Variants in ATF3 observed in about 807,000 individuals in gnomAD.
ATF3 encodes cyclic AMP-dependent transcription factor ATF-3.
In ATF3, 10 loss-of-function variants were observed where a neutral mutation model predicts 18.4. The observed-to-expected ratio is 0.54, with a 90% confidence interval of 0.34 to 0.92. The LOEUF is 0.92. Ranked by LOEUF, ATF3 falls within the 40% of genes least tolerant of loss-of-function variation. The pLI is 0.02. For missense variants in ATF3, 183 were observed against 222.3 expected (o/e 0.82, Z 1.12); for synonymous variants, 78 against 87.9 (o/e 0.89, Z 0.63).
intron 1 of ATF3, among the ~76,000 whole-genome samples, chr1:212,574,555 T>C (rs1664540757): frequency 6.6e-6 from 1 of 152,056 alleles, no homozygotes; most frequent in South Asian, 2.1e-4. Flanking sequence ...TCCCTCTTAT[T>C]TTATTGTTTG....
chr1:212,568,723 C>T (rs374416610), intron 1 of ATF3, among the ~76,000 whole-genome samples: 6 of 152,220 alleles, frequency 3.9e-5, no homozygotes, highest in Admixed American at 1.3e-4. Flanking sequence ...TGTCCTAGGC[C>T]GATTCTCCGA....
chr1:212,581,131 T>G (rs1401959155), intron 1 of ATF3, among the ~76,000 whole-genome samples: 2 of 152,214 alleles, frequency 1.3e-5, no homozygotes, highest in Non-Finnish European at 2.9e-5. Context: ...AAGACAAAAC[T>G]TTTGACTTGG....
At position 212,619,201 on chromosome 1, in the gene ATF3, A is replaced by C; in HGVS notation, c.349-157A>C. ...GAAGAAGAGGGTCTGCATTTTCCTA[A>C]ACCCAGTGCTGCTCTCCCATCTCCC... On this transcript the variant is annotated intron_variant, in intron 3 of 3. Transcript: ENST00000341491. This position sits in a 1 kb window ranked among gnomAD's most constrained non-coding sequence, Gnocchi z 4.4. 6.2e-7 allele frequency: 1 copy of C among 1,611,016 alleles called. No homozygotes were observed. The highest frequency in any genetic ancestry group is 8.5e-7 in the Non-Finnish European group (1 of 1,179,304).
intron 1 of ATF3, among the ~76,000 whole-genome samples, chr1:212,583,974 G>A (rs1664732524): frequency 6.6e-6 from 1 of 152,142 alleles, no homozygotes; most frequent in Admixed American, 6.5e-5. Context: ...GACCAAAACA[G>A]ACCGTATCTC....
At chr1:212,585,169 C>T (rs1176484315) in intron 1 of ATF3, among the ~76,000 whole-genome samples, 2 of 152,228 alleles carry the variant, frequency 1.3e-5, no homozygotes, top group African/African-American at 4.8e-5. Context: ...GAAAGGATTA[C>T]TAACAGAGCT....
intron 1 of ATF3, among the ~76,000 whole-genome samples, chr1:212,600,358 T>G (rs1029867317): frequency 7.9e-5 from 12 of 152,258 alleles, no homozygotes; most frequent in Admixed American, 6.5e-4. Flanking sequence ...CTTCCCAGAC[T>G]TGCTTCCCTA....
chr1:212,590,329 T>C (rs978807169), intron 1 of ATF3, among the ~76,000 whole-genome samples: 2 of 152,130 alleles, frequency 1.3e-5, no homozygotes, highest in African/African-American at 4.8e-5. Context: ...TGTATGAAAT[T>C]CTGAGGCCCT....
chr1:212,573,664 T>C (rs1441235374), intron 1 of ATF3, among the ~76,000 whole-genome samples: 1 of 152,048 alleles, frequency 6.6e-6, no homozygotes, highest in Non-Finnish European at 1.5e-5. Context: ...TCCTTAAGAA[T>C]TGAAAGATTT....
intron 1 of ATF3, among the ~76,000 whole-genome samples, chr1:212,568,027 G>A (rs908476601): frequency 6.6e-6 from 1 of 152,114 alleles, no homozygotes; most frequent in Non-Finnish European, 1.5e-5. Context: ...GTAGGGACAG[G>A]GTCTGCCGAC....
chr1:212,605,299 G>C (rs1654589834), upstream of ATF3, among the ~76,000 whole-genome samples: 1 of 152,188 alleles, frequency 6.6e-6, no homozygotes, highest in South Asian at 2.1e-4. Flanking sequence ...TGCTGCCCCT[G>C]TTTCCTGACA....
intron 1 of ATF3, among the ~76,000 whole-genome samples, chr1:212,579,609 A>G (rs1664642744): frequency 6.6e-6 from 1 of 152,180 alleles, no homozygotes; most frequent in South Asian, 2.1e-4. Flanking sequence ...GTAGAAGAGA[A>G]GACGCATTGG....
chr1:212,575,883 G>T (rs1417462076), intron 1 of ATF3, among the ~76,000 whole-genome samples: 2 of 152,052 alleles, frequency 1.3e-5, no homozygotes, highest in Admixed American at 6.5e-5. Flanking sequence ...ACTTGGTCAA[G>T]ATATTTTCTT....
intron 1 of ATF3, among the ~76,000 whole-genome samples, chr1:212,573,053 A>G (rs1217183679): frequency 6.6e-6 from 1 of 152,126 alleles, no homozygotes; most frequent in Non-Finnish European, 1.5e-5. Flanking sequence ...ATGTAATTAT[A>G]TCATGTACAA....
upstream of ATF3, among the ~76,000 whole-genome samples, chr1:212,606,638 A>T (rs1654630756): frequency 6.6e-6 from 1 of 152,242 alleles, no homozygotes. Flanking sequence ...AAACTGGTCA[A>T]AATTTCTGTT....
At chr1:212,589,711 G>GAA (rs1664846125) in intron 1 of ATF3, among the ~76,000 whole-genome samples, 1 of 142,832 alleles carries the variant, frequency 7.0e-6, no homozygotes, top group Non-Finnish European at 1.5e-5. Context: ...AAAAGAAGAA[G>GAA]AAAAAAAGAA....
At chr1:212,567,827 G>C (rs1322008403) in intron 1 of ATF3, among the ~76,000 whole-genome samples, 1 of 152,166 alleles carries the variant, frequency 6.6e-6, no homozygotes, top group Non-Finnish European at 1.5e-5. Flanking sequence ...CATTATTATG[G>C]GAAAAGTTCT....
intron 1 of ATF3, among the ~76,000 whole-genome samples, chr1:212,603,524 A>G (rs1654540816): frequency 2.6e-5 from 4 of 152,226 alleles, no homozygotes; most frequent in Admixed American, 2.6e-4. Context: ...CCATTTAAGC[A>G]TCCTGAGCAA....
chr1:212,616,981 G>A (rs996112469), intron 2 of ATF3, among the ~76,000 whole-genome samples: 1 of 152,146 alleles, frequency 6.6e-6, no homozygotes, highest in African/African-American at 2.4e-5. Flanking sequence ...CAAGCAGGCA[G>A]TTGGATATGT....
chr1:212,571,571 T>C (rs1664481699), intron 1 of ATF3, among the ~76,000 whole-genome samples: 1 of 148,944 alleles, frequency 6.7e-6, no homozygotes, highest in African/African-American at 2.5e-5. Flanking sequence ...GCCTGGCTAG[T>C]TTTTGTATTT....
Sources: allele counts gnomAD v4.1 joint callset (sites outside exome capture counted in the v4.1 genomes callset), GRCh38; gene constraint gnomAD v4.1.1; non-coding constraint Gnocchi (gnomAD v3.1); transcripts MANE v1.5; gene names NCBI Gene and HGNC (gene_info 2026-07-23, HGNC 2026-07-21).